Variants in PPEF1 observed in about 807,000 individuals in gnomAD.
PPEF1 encodes serine/threonine-protein phosphatase with EF-hands 1.
PPEF1 carries 12 observed loss-of-function variants against 53.3 expected under a neutral mutation model. The ratio of observed to expected loss-of-function variants is 0.23; its 90% CI spans 0.14 to 0.36. PPEF1 has a LOEUF of 0.36. PPEF1 is among the 10% of genes least tolerant of loss of function. The pLI is 1.00. For missense variants in PPEF1, 334 were observed against 490.4 expected, an observed-to-expected ratio of 0.68 and a Z score of 3.01; for synonymous variants, 165 against 176.7, an observed-to-expected ratio of 0.93 and a Z score of 0.52.
In PPEF1 at chrX:18,777,605, C is replaced by T. The variant is rs182882195; in HGVS notation, c.559-1405C>T. 8.7e-4 allele frequency among the ~76,000 whole-genome samples: 93 copies of T among 107,316 alleles called. No individual in the cohort carries two copies. In the Admixed American group the frequency reaches 8.9e-3, roughly 10 times the overall value. 93.2% of individuals were successfully genotyped at this position (107,316 alleles called of 115,157 possible). On this transcript the variant is annotated intron_variant, in intron 6 of 15. Coordinates refer to ENST00000470157, the MANE Select transcript of PPEF1 (RefSeq NM_001377996.1). ...TGCGATCTCCGCTCACTGCCAGCTC[C>T]GGCTCCCGGACTCACTCCATTCTCC...
At chrX:18,752,718 T>A (rs913880167) in intron 4 of PPEF1, among the ~76,000 whole-genome samples, 4 of 88,247 alleles carry the variant, frequency 4.5e-5, no homozygotes, top group African/African-American at 7.9e-5. Flanking sequence ...TGTCGGGTTT[T>A]GTCAAATGCT....
intron 1 of PPEF1, among the ~76,000 whole-genome samples, chrX:18,726,642 A>T (rs931346862): frequency 7.8e-5 from 8 of 102,617 alleles, no homozygotes; most frequent in Non-Finnish European, 1.6e-4. Flanking sequence ...TTACAGAAAT[A>T]GTAATAAGCT....
intron 6 of PPEF1, among the ~76,000 whole-genome samples, chrX:18,769,371 C>G (rs1045343377): frequency 1.8e-5 from 2 of 111,890 alleles, no homozygotes; most frequent in African/African-American, 3.2e-5. Context: ...TTAGAGTGAC[C>G]AGTTTGAAAT....
chrX:18,800,943 C>T (rs1488860102), intron 10 of PPEF1, among the ~76,000 whole-genome samples: 3 of 111,271 alleles, frequency 2.7e-5, no homozygotes, highest in African/African-American at 9.8e-5. Context: ...AAGCTTAATC[C>T]CCTCCTAACA....
chrX:18,690,315 G>A (rs751872067), intron 3 of PPEF1, among the ~76,000 whole-genome samples: 1 of 108,919 alleles, frequency 9.2e-6, no homozygotes, highest in East Asian at 2.9e-4. Flanking sequence ...GGCAGTAATA[G>A]TGAGGGTTTT....
chrX:18,731,017 G>A (rs1466746644), intron 2 of PPEF1, among the ~76,000 whole-genome samples: 1 of 112,391 alleles, frequency 8.9e-6, no homozygotes, highest in African/African-American at 3.2e-5. Context: ...ACCTGGCCAA[G>A]GAAGGCCTTT....
At chrX:18,742,031 C>T (rs1050569069) in intron 3 of PPEF1, among the ~76,000 whole-genome samples, 3 of 110,134 alleles carry the variant, frequency 2.7e-5, no homozygotes, top group Non-Finnish European at 5.7e-5. Flanking sequence ...CTCCTGGCCT[C>T]GGGTGATTTG....
intron 3 of PPEF1, among the ~76,000 whole-genome samples, chrX:18,687,776 C>A (rs1250483601): frequency 9.3e-6 from 1 of 107,645 alleles, no homozygotes; most frequent in Non-Finnish European, 1.9e-5. Flanking sequence ...GCAACCTCCA[C>A]CTCCCAGGTT....
chrX:18,781,695 G>A (rs981574529), intron 7 of PPEF1, among the ~76,000 whole-genome samples: 2 of 111,836 alleles, frequency 1.8e-5, no homozygotes, highest in African/African-American at 6.5e-5. Flanking sequence ...GAAAGCCAGA[G>A]TGAGTGTATT....
intron 14 of PPEF1, 53 bp downstream of exon 14, chrX:18,824,139 G>A: frequency 9.1e-7 from 1 of 1,103,913 alleles, no homozygotes; most frequent in Admixed American, 2.5e-5. Flanking sequence ...ACATAACTTA[G>A]TCCTTTGAAA....
At chrX:18,783,337 A>T (rs760587586) in intron 8 of PPEF1, among the ~76,000 whole-genome samples, 1 of 110,111 alleles carries the variant, frequency 9.1e-6, no homozygotes, top group South Asian at 4.0e-4. Context: ...AGGGCGAGTC[A>T]TTGACTATCT....
intron 10 of PPEF1, among the ~76,000 whole-genome samples, chrX:18,795,177 G>A (rs2046408093): frequency 1.8e-5 from 2 of 110,930 alleles, no homozygotes; most frequent in Admixed American, 9.6e-5. Context: ...GGGCGTGGTG[G>A]TGCATGCCTG....
At chrX:18,819,749 A>G (rs1474820334) in intron 13 of PPEF1, among the ~76,000 whole-genome samples, 1 of 111,879 alleles carries the variant, frequency 8.9e-6, no homozygotes, top group Non-Finnish European at 1.9e-5. Context: ...ACATACACCT[A>G]CTCAGAGTAC....
At chrX:18,712,416 A>G (rs1471189751) in intron 1 of PPEF1, among the ~76,000 whole-genome samples, 1 of 111,606 alleles carries the variant, frequency 9.0e-6, no homozygotes, top group African/African-American at 3.3e-5. Flanking sequence ...TTTTGATGAT[A>G]TTATACATGG....
intron 1 of PPEF1, among the ~76,000 whole-genome samples, chrX:18,677,076 T>C (rs988615807): frequency 7.5e-5 from 8 of 106,539 alleles, no homozygotes; most frequent in Non-Finnish European, 5.8e-5. Context: ...TCTCGCTCTG[T>C]TGCCCAGGCC....
intron 4 of PPEF1, among the ~76,000 whole-genome samples, chrX:18,756,730 G>T (rs1358902108): frequency 8.9e-6 from 1 of 112,368 alleles, no homozygotes; most frequent in Non-Finnish European, 1.9e-5. Context: ...CAAAGACCCA[G>T]AGAAATTATT....
intron 1 of PPEF1, among the ~76,000 whole-genome samples, chrX:18,720,627 C>A (rs1740400805): frequency 9.0e-6 from 1 of 111,107 alleles, no homozygotes; most frequent in South Asian, 3.8e-4. Flanking sequence ...AAAGAAAAAA[C>A]CCTAATCCTG....
At chrX:18,737,079 T>G (rs2045002172) in intron 3 of PPEF1, among the ~76,000 whole-genome samples, 1 of 111,608 alleles carries the variant, frequency 9.0e-6, no homozygotes, top group Non-Finnish European at 1.9e-5. Context: ...TCAAAACAGC[T>G]TCTGGATTCA....
At chrX:18,797,915 G>C (rs2046463464) in intron 10 of PPEF1, among the ~76,000 whole-genome samples, 1 of 104,254 alleles carries the variant, frequency 9.6e-6, no homozygotes, top group Non-Finnish European at 2.0e-5. Flanking sequence ...TGTTAGCCAG[G>C]ATGTCTCGAC....
Sources: allele counts gnomAD v4.1 joint callset (sites outside exome capture counted in the v4.1 genomes callset), GRCh38; gene constraint gnomAD v4.1.1; transcripts MANE v1.5; gene names NCBI Gene and HGNC (gene_info 2026-07-23, HGNC 2026-07-21).